The following ZNF14 variants were observed in gnomAD, a reference collection of about 807,000 sequenced individuals.
ZNF14 encodes gonadotropin inducible transcription repressor-4.
Under a neutral mutation model 11.3 loss-of-function variants are expected in ZNF14, and 9 were observed. That is an observed-to-expected ratio of 0.80 (90% CI 0.48 to 1.39). ZNF14 has a LOEUF of 1.39. Ranked by LOEUF, ZNF14 falls within the 40% of genes most tolerant of loss-of-function variation. The pLI is 0.00. For missense variants in ZNF14, 711 were observed against 763.9 expected (o/e 0.93, Z 0.82); for synonymous variants, 239 against 245.7 (o/e 0.97, Z 0.25).
intron 1 of ZNF14, among the ~76,000 whole-genome samples, chr19:19,728,171 A>C (rs2062411563): frequency 7.5e-6 from 1 of 132,962 alleles, no homozygotes; most frequent in Admixed American, 7.4e-5. Context: ...AAAACAGATC[A>C]TTAGATAAAA....
chr19:19,711,332 T>A lies in ZNF14; in HGVS notation c.*20A>T, dbSNP rs1207147559. On this transcript the variant is annotated 3_prime_UTR_variant, in exon 4 of 4. Coordinates refer to ENST00000344099, the MANE Select transcript of ZNF14 (RefSeq NM_021030.3). ...GAAGGAGCTGGAACAACCGAAGGCT[T>A]CAGAATGTTGCTTATATTCTTAGAC... is the stretch of plus-strand genomic sequence containing the variant. 6.5e-7 allele frequency: 1 copy of A among 1,529,826 alleles called. No homozygotes were observed. The highest frequency in any genetic ancestry group is 2.3e-5 in the East Asian group (1 of 44,342). 94.8% of individuals were successfully genotyped at this position (1,529,826 alleles called of 1,614,324 possible).
At position 19,732,886 on chromosome 19, in the gene ZNF14, G is replaced by A. The variant is rs182175678; in HGVS notation, c.3+70C>T. 4.5e-5 allele frequency: 71 copies of A among 1,595,338 alleles called. 1 individual carries two copies. The East Asian group carries it at 1.5e-3, about 34-fold the overall frequency. ...CAAACCCCGGAGTTGACTGCAAGGA[G>A]GTCCCCGGCCTCGGCCACAGACGGT... On this transcript the variant is annotated intron_variant, in intron 1 of 3. Transcript: ENST00000344099.
chr19:19,717,325 G>C (rs1423160993), intron 1 of ZNF14, among the ~76,000 whole-genome samples: 3 of 152,162 alleles, frequency 2.0e-5, no homozygotes, highest in African/African-American at 7.2e-5. Context: ...GAGGCCCATT[G>C]GTCGGTATGC....
In ZNF14 at chr19:19,729,941, C is replaced by T. The variant is rs2062418361; in HGVS notation, c.3+3015G>A. 2.6e-5 allele frequency among the ~76,000 whole-genome samples: 4 copies of T among 152,178 alleles called. No homozygotes were observed. The South Asian group carries it at 8.3e-4, about 31-fold the overall frequency. ...TTACAAATCAAACTGAATGAACAGA[C>T]ACAGCACCATTCAGAATGTGACATA... On this transcript the variant is annotated intron_variant, in intron 1 of 3. Coordinates refer to ENST00000344099, the MANE Select transcript of ZNF14 (RefSeq NM_021030.3).
At chr19:19,714,626 C>A (rs1170807325) in intron 1 of ZNF14, 139 bp from the exon 2 acceptor site, 2 of 817,126 alleles carry the variant, frequency 2.4e-6, no homozygotes, top group Non-Finnish European at 3.6e-6. Flanking sequence ...AGAACTACGA[C>A]TGTCCACACT....
intron 1 of ZNF14, among the ~76,000 whole-genome samples, chr19:19,724,102 G>A (rs1243348924): frequency 1.5e-5 from 2 of 132,538 alleles, no homozygotes; most frequent in African/African-American, 5.6e-5. Context: ...TCTGATCTTA[G>A]TTATTTCTTG....
Position 19,711,915 on chromosome 19 carries a change from A to C in ZNF14, c.1366T>G (p.Phe456Val). ...PYECKQCGKA[F>V]RCSSYFRIHE... ...ATTCGAAAATAACTTGAACACCTGA[A>C]GGCTTTCCCACACTGTTTACATTCA... The change falls in exon 4 of 4, where the codon TTC becomes GTC. Residue 456 changes from phenylalanine (F) to valine (V), a missense_variant. Transcript: ENST00000344099. 6.2e-7 allele frequency: 1 copy of C among 1,614,038 alleles called. No homozygotes were observed. Among genetic ancestry groups the C allele is most frequent in the Non-Finnish European group, 8.5e-7 (1 of 1,179,940 alleles).
intron 1 of ZNF14, among the ~76,000 whole-genome samples, chr19:19,717,779 CTATAACATGT>C (rs1251502416): frequency 6.6e-6 from 1 of 152,202 alleles, no homozygotes; most frequent in South Asian, 2.1e-4. Flanking sequence ...AATCATAGGA[CTATAACATGT>C]TTCCCTTCCA....
In ZNF14 at chr19:19,732,849, C is replaced by A. The variant is rs987541812; in HGVS notation, c.3+107G>T. 4.8e-6 allele frequency: 7 copies of A among 1,446,004 alleles called. No homozygotes were observed. In the East Asian group the frequency reaches 7.2e-5, roughly 15 times the overall value. The allele number at this position is 1,446,004 out of a possible 1,614,324, so 89.6% of individuals were successfully genotyped here. The stretch of plus-strand genomic sequence containing the variant: ...GAGGGCCGAACTGCGCCCGCGGTGG[C>A]CCCCGGGTCTGCAAACCCCGGAGTT... On this transcript the variant is annotated intron_variant, in intron 1 of 3. Coordinates refer to ENST00000344099, the MANE Select transcript of ZNF14 (RefSeq NM_021030.3).
rs2062403757 is a variant in ZNF14, at chr19:19,725,312, G to C, written c.3+7644C>G. Among the ~76,000 whole-genome samples, 2 of 133,166 alleles carry C rather than the reference G, an allele frequency of 1.5e-5. 1 individual carries two copies. The highest frequency in any genetic ancestry group is 3.3e-5 in the Non-Finnish European group (2 of 60,054). The allele number at this position is 133,166 out of a possible 152,430, so 87.4% of individuals were successfully genotyped here. ...CTCTCAGCATTTGTTTGTCTGTAAA[G>C]GATTTTATTTCTCCTTCACTTATGA... On this transcript the variant is annotated intron_variant, in intron 1 of 3. Coordinates refer to ENST00000344099, the MANE Select transcript of ZNF14 (RefSeq NM_021030.3).
chr19:19,714,468 T>C lies in ZNF14; in HGVS notation c.23A>G (p.Asp8Gly). ...CTCCAGGGTGAAGTTCACGGCCACA[T>C]CCTCAAAGGAGACTGAGTCCTGAAA... is the stretch of plus-strand genomic sequence containing the variant. MDSVSFE[D>G]VAVNFTLEEW... The change falls in exon 2 of 4, where the codon GAT becomes GGT. Residue 8 changes from aspartate (D) to glycine (G), a missense_variant. Asp to Gly is a moderately conservative substitution (Grantham distance 94). Coordinates refer to ENST00000344099, the MANE Select transcript of ZNF14 (RefSeq NM_021030.3). 1 of 1,613,578 alleles carries C rather than the reference T, an allele frequency of 6.2e-7. No homozygotes were observed. The highest frequency in any genetic ancestry group is 8.5e-7 in the Non-Finnish European group (1 of 1,179,894).
Position 19,730,343 on chromosome 19 carries a change from G to A in ZNF14, c.3+2613C>T, listed in dbSNP as rs143414506. ...TGCCCAGCCCGCAGTTTTATTTAAG[G>A]GCAGGGTTTGATTTTAAACACAAAC... On this transcript the variant is annotated intron_variant, in intron 1 of 3. Transcript: ENST00000344099. Among the ~76,000 whole-genome samples the A allele has an allele frequency of 1.0e-3, 157 of 152,066 alleles. 1 individual carries two copies. Among genetic ancestry groups the A allele is most frequent in the Middle Eastern group, 3.4e-3 (1 of 294 alleles).
chr19:19,732,817 G>C, intron 1 of ZNF14, 139 bp downstream of exon 1: 1 of 1,139,720 alleles, frequency 8.8e-7, no homozygotes, highest in Non-Finnish European at 1.2e-6. Flanking sequence ...CTCCCACAGA[G>C]AGGACCGAGG....
At position 19,726,490 on chromosome 19, in the gene ZNF14, G is replaced by A. The variant is rs1174173296; in HGVS notation, c.3+6466C>T. ...ACCCGGCTGTATGAGGTGTCAGTTGGCCCCTATTGGGAGGTGTCTCCCAGT... is the reference window on the plus strand; with the variant it reads ...ACCCGGCTGTATGAGGTGTCAGTTGACCCCTATTGGGAGGTGTCTCCCAGT... On this transcript the variant is annotated intron_variant, in intron 1 of 3. Transcript: ENST00000344099. 1.5e-5 allele frequency among the ~76,000 whole-genome samples: 2 copies of A among 133,834 alleles called. 1 individual carries two copies. Among genetic ancestry groups the A allele is most frequent in the Non-Finnish European group, 3.3e-5 (2 of 60,196 alleles). The allele number at this position is 133,834 out of a possible 152,430, so 87.8% of individuals were successfully genotyped here. A position where few individuals can be genotyped will look rare whatever the true frequency, so the allele number is the denominator to read the frequency against.
Position 19,724,859 on chromosome 19 carries a change from C to G in ZNF14, c.3+8097G>C, listed in dbSNP as rs1469687022. ...AATGGCCTTCTTTGTCTCTTTTGAT[C>G]TTTGTTGGTTTAAAGTCTGTTTTAT... is the stretch of plus-strand genomic sequence containing the variant. On this transcript the variant is annotated intron_variant, in intron 1 of 3. Coordinates refer to ENST00000344099, the MANE Select transcript of ZNF14 (RefSeq NM_021030.3). Among the ~76,000 whole-genome samples, 2 of 132,756 alleles carry G rather than the reference C, an allele frequency of 1.5e-5. 1 individual carries two copies. Among genetic ancestry groups the G allele is most frequent in the African/African-American group, 5.6e-5 (2 of 35,828 alleles). 87.1% of individuals were successfully genotyped at this position (132,756 alleles called of 152,430 possible).
At chr19:19,732,848 G>GC in intron 1 of ZNF14, 108 bp downstream of exon 1, 1 of 1,436,936 alleles carries the variant, frequency 7.0e-7, no homozygotes, top group South Asian at 1.3e-5. Context: ...GCCCGCGGTG[G>GC]CCCCCGGGTC....
chr19:19,721,962 CAAA>C (rs36021998), intron 1 of ZNF14, among the ~76,000 whole-genome samples: 15 of 107,156 alleles, frequency 1.4e-4, no homozygotes, highest in Non-Finnish European at 1.4e-4. Flanking sequence ...GACTCAGTCT[CAAA>C]AAAAAAAAAA....
chr19:19,714,212 G>A, intron 2 of ZNF14, 61 bp from the exon 3 acceptor site: 2 of 1,593,674 alleles, frequency 1.3e-6, no homozygotes, highest in East Asian at 2.2e-5. Flanking sequence ...AATTGTTACA[G>A]TCTAGTTTCA....
chr19:19,732,550 A>G (rs201624595), intron 1 of ZNF14, among the ~76,000 whole-genome samples: 4 of 152,234 alleles, frequency 2.6e-5, no homozygotes, highest in Non-Finnish European at 5.9e-5. Context: ...GCAAGGACCT[A>G]GCCAGGCTTC....
Sources: gnomAD v4.1 joint callset for allele counts (sites outside exome capture counted in the v4.1 genomes callset) on GRCh38, gnomAD v4.1.1 for gene constraint, MANE v1.5 for transcripts, NCBI Gene and HGNC (gene_info 2026-07-23, HGNC 2026-07-21) for gene names.